Variants in RASGRP2 observed in about 807,000 individuals in gnomAD.
RASGRP2 encodes RAS guanyl releasing protein 2.
A neutral mutation model predicts 71.0 loss-of-function variants in RASGRP2; 44 were observed. The observed-to-expected ratio is 0.62, with a 90% CI of 0.49 to 0.80. The LOEUF (loss-of-function observed/expected upper bound fraction) is 0.80, where lower values mean the gene tolerates loss of function less well. Ranked by LOEUF, RASGRP2 falls within the 30% of genes least tolerant of loss-of-function variation. RASGRP2 has a pLI of 0.00. For missense variants in RASGRP2, 663 were observed against 813.4 expected (o/e 0.82, Z 2.25); for synonymous variants, 350 against 330.7 (o/e 1.06, Z -0.63).
At position 64,741,420 on chromosome 11, in the gene RASGRP2, C is replaced by T. The variant is rs1334805911; in HGVS notation, c.239+19G>A. The T allele has an allele frequency of 7.2e-6, 11 of 1,531,778 alleles. No individual in the cohort carries two copies. The highest frequency in any genetic ancestry group is 9.8e-6 in the Non-Finnish European group (11 of 1,125,462). The allele number at this position is 1,531,778 out of a possible 1,614,324, so 94.9% of individuals were successfully genotyped here. On this transcript the variant is annotated intron_variant, in intron 4 of 16. Coordinates refer to ENST00000394432, the MANE Select transcript of RASGRP2 (RefSeq NM_001098671.2). ...AAGGGAGAAAGGGGAGGGGCTAGAG[C>T]CCCAGGGGAAAGACTCACCTGACCA...
In RASGRP2 at chr11:64,742,951, G is replaced by C; in HGVS notation, c.-71-14C>G. 2.6e-6 allele frequency: 4 copies of C among 1,527,564 alleles called. No individual in the cohort carries two copies. The highest frequency in any genetic ancestry group is 3.5e-6 in the Non-Finnish European group (4 of 1,142,226). 94.6% of individuals were successfully genotyped at this position (1,527,564 alleles called of 1,614,324 possible). On this transcript the variant is annotated splice_polypyrimidine_tract_variant and intron_variant, in intron 1 of 16. Coordinates refer to ENST00000394432, the MANE Select transcript of RASGRP2 (RefSeq NM_001098671.2). The surrounding 1 kb of genome is among the most constrained non-coding windows in gnomAD (Gnocchi z 4.7). Reference sequence around the variant, plus strand: ...CGGACCGAACCCCTGTCCCGGGAGAGGCAGAGCGGGAGTCTGCGGAGTCGC... The same window carrying C: ...CGGACCGAACCCCTGTCCCGGGAGACGCAGAGCGGGAGTCTGCGGAGTCGC...
At chr11:64,732,454 T>G (rs1173123766) in intron 12 of RASGRP2, among the ~76,000 whole-genome samples, 2 of 151,834 alleles carry the variant, frequency 1.3e-5, no homozygotes, top group Non-Finnish European at 1.5e-5. Context: ...AGGTCAGAAG[T>G]TCAATACCAG....
intron 8 of RASGRP2, among the ~76,000 whole-genome samples, chr11:64,738,215 T>C (rs1280793304): frequency 1.3e-5 from 2 of 151,860 alleles, no homozygotes; most frequent in Non-Finnish European, 2.9e-5. Context: ...TCATAGAAAG[T>C]TCAAAACAGA....
intron 13 of RASGRP2, 91 bp downstream of exon 13, chr11:64,729,962 A>G: frequency 6.7e-7 from 1 of 1,502,626 alleles, no homozygotes; most frequent in Non-Finnish European, 9.0e-7. Flanking sequence ...TGGCTTGAGA[A>G]GGGCTCTGGC....
chr11:64,729,018 T>C lies in RASGRP2; in HGVS notation c.1616A>G (p.Gln539Arg), dbSNP rs755945140. ...CRACGVNCHK[Q>R]CKDRLSVECR... ...CTCAACTGACAGGCGATCCTTGCAC[T>C]GCTTGTGGCAGTTCACTCCACAGGC... Residue 539 changes from glutamine to arginine, a missense_variant, in exon 15 of 17, where the codon CAG becomes CGG. Physicochemically the swap from Gln to Arg is conservative, Grantham distance 43 (BLOSUM62 1). Coordinates refer to ENST00000394432, the MANE Select transcript of RASGRP2 (RefSeq NM_001098671.2). 6 of 1,602,688 alleles carry C rather than the reference T, an allele frequency of 3.7e-6. No homozygotes were observed. The highest frequency in any genetic ancestry group is 5.1e-6 in the Non-Finnish European group (6 of 1,178,290).
chr11:64,743,221 C>A lies in RASGRP2; in HGVS notation c.-71-284G>T, dbSNP rs1228334193. ...GATCCCAGGACTGGCTGGCGCCCAG[C>A]CCCCCGCAGGGCGCCTTCTCCTCGC... On this transcript the variant is annotated intron_variant, in intron 1 of 16. Coordinates refer to ENST00000394432, the MANE Select transcript of RASGRP2 (RefSeq NM_001098671.2). This position sits in a 1 kb window ranked among gnomAD's most constrained non-coding sequence, Gnocchi z 4.9. 3 of 520,316 alleles carry A rather than the reference C, an allele frequency of 5.8e-6. No homozygotes were observed. In the Admixed American group the frequency reaches 6.8e-5, roughly 12 times the overall value. The allele number at this position is 520,316 out of a possible 1,614,324, so 32.2% of individuals were successfully genotyped here. A position where few individuals can be genotyped will look rare whatever the true frequency, so the allele number is the denominator to read the frequency against.
In RASGRP2 at chr11:64,741,055, C is replaced by A. The variant is rs373582516; in HGVS notation, c.264G>T (p.Ala88=). The A allele has an allele frequency of 4.3e-6, 7 of 1,613,384 alleles. No individual in the cohort carries two copies. In the East Asian group the frequency reaches 1.6e-4, roughly 36 times the overall value. ...LVRYWISAFP[A]EFDLNPELAE... is the part of the protein sequence containing the mutation. The stretch of plus-strand genomic sequence containing the variant: ...CCAACTCCGGGTTCAAGTCAAACTC[C>A]GCTGGGAAGGCGGAGATCCAGTACC... Residue 88 remains alanine, a synonymous_variant, in exon 5 of 17, where the codon GCG becomes GCT. Transcript: ENST00000394432.
At chr11:64,737,340 G>C (rs1592373430) in intron 8 of RASGRP2, 1 of 428,784 alleles carries the variant, frequency 2.3e-6, no homozygotes, top group East Asian at 4.8e-5. Flanking sequence ...CAATGACCTG[G>C]AAGAACATAC....
chr11:64,739,305 A>T lies in RASGRP2; in HGVS notation c.813+55T>A. 7.4e-7 allele frequency: 1 copy of T among 1,356,592 alleles called. No homozygotes were observed. The allele number at this position is 1,356,592 out of a possible 1,614,324, so 84.0% of individuals were successfully genotyped here. A position where few individuals can be genotyped will look rare whatever the true frequency, so the allele number is the denominator to read the frequency against. On this transcript the variant is annotated intron_variant, in intron 8 of 16. Transcript: ENST00000394432. The surrounding 1 kb of genome is among the most constrained non-coding windows in gnomAD (Gnocchi z 4.2). ...GTGCCCAGCCCCCAGTGCTGCTGGG[A>T]GGACCCAGTGAAGACAGACCTGGGA... is the stretch of plus-strand genomic sequence containing the variant.
Position 64,736,826 on chromosome 11 carries a change from AG to A in RASGRP2, c.1021del (p.Leu341TrpfsTer7). ...GCTGGTCACCATGGCCAGCTCCTCC[AG>A]GATGCTAAAGAGCTGCTTCATCTTG... Reference protein sequence around the residue: ...GAKMKQLFSILEELAMVTSLR... With the variant: ...GAKMKQLFSIXEELAMVTSLR... On this transcript the variant is annotated frameshift_variant, in exon 9 of 17. Coordinates refer to ENST00000394432, the MANE Select transcript of RASGRP2 (RefSeq NM_001098671.2). LOFTEE classifies it high-confidence loss of function. 4 of 1,612,586 alleles carry A rather than the reference AG, an allele frequency of 2.5e-6. No homozygotes were observed. The highest frequency in any genetic ancestry group is 3.4e-6 in the Non-Finnish European group (4 of 1,179,848).
At chr11:64,730,982 C>T (rs1291405833) in intron 12 of RASGRP2, among the ~76,000 whole-genome samples, 1 of 152,214 alleles carries the variant, frequency 6.6e-6, no homozygotes, top group Non-Finnish European at 1.5e-5. Flanking sequence ...TTGAGACTCC[C>T]ACCTGCTTAT....
In RASGRP2 at chr11:64,739,752, C is replaced by G. The variant is rs1049036601; in HGVS notation, c.580G>C (p.Glu194Gln). 4 of 1,613,908 alleles carry G rather than the reference C, an allele frequency of 2.5e-6. No homozygotes were observed. In the Admixed American group the frequency reaches 6.7e-5, roughly 27 times the overall value. ...CTGTTGAAGAGGGAGATGAACCGCTCCAGGACGGGGTTGTCCACAGTGCAG... is the reference window on the plus strand; with the variant it reads ...CTGTTGAAGAGGGAGATGAACCGCTGCAGGACGGGGTTGTCCACAGTGCAG... Reference protein sequence around the residue: ...HGCTVDNPVLERFISLFNSVS... With the variant: ...HGCTVDNPVLQRFISLFNSVS... The change falls in exon 7 of 17, where the codon GAG (glutamate) becomes CAG (glutamine). Residue 194 changes from glutamate to glutamine, a missense_variant. Transcript: ENST00000394432. This position sits in a 1 kb window ranked among gnomAD's most constrained non-coding sequence, Gnocchi z 4.2.
At chr11:64,741,924 C>T in intron 3 of RASGRP2, 86 bp downstream of exon 3, 1 of 1,153,798 alleles carries the variant, frequency 8.7e-7, no homozygotes, top group Non-Finnish European at 1.3e-6. Context: ...TACTTAGGAG[C>T]GAGGCTCATT....
chr11:64,737,047 G>A lies in RASGRP2; in HGVS notation c.814-13C>T, dbSNP rs771685335. ...GACCCTCCCAGAGCTGGGGACAAAGGACAGAGGAGTCATACCCCCACAACT... is the reference window on the plus strand; with the variant it reads ...GACCCTCCCAGAGCTGGGGACAAAGAACAGAGGAGTCATACCCCCACAACT... On this transcript the variant is annotated splice_polypyrimidine_tract_variant and intron_variant, in intron 8 of 16. Coordinates refer to ENST00000394432, the MANE Select transcript of RASGRP2 (RefSeq NM_001098671.2). 1.9e-6 allele frequency: 3 copies of A among 1,613,346 alleles called. No individual in the cohort carries two copies. Among genetic ancestry groups the A allele is most frequent in the African/African-American group, 2.7e-5 (2 of 74,900 alleles).
Position 64,742,382 on chromosome 11 carries a change from G to T in RASGRP2, c.74-270C>A. The T allele has an allele frequency of 1.7e-6, 1 of 584,626 alleles. No homozygotes were observed. 36.2% of individuals were successfully genotyped at this position (584,626 alleles called of 1,614,324 possible). A position where few individuals can be genotyped will look rare whatever the true frequency, so the allele number is the denominator to read the frequency against. ...ACCAGCTGGGGCGGAAGGAGCCTGG[G>T]TTCCCCGGGGTCAAGAATCCAGAGG... On this transcript the variant is annotated intron_variant, in intron 2 of 16. Transcript: ENST00000394432. This position sits in a 1 kb window ranked among gnomAD's most constrained non-coding sequence, Gnocchi z 4.7.
At chr11:64,733,200 A>G (rs2057818018) in intron 12 of RASGRP2, among the ~76,000 whole-genome samples, 1 of 152,164 alleles carries the variant, frequency 6.6e-6, no homozygotes, top group Admixed American at 6.6e-5. Flanking sequence ...ATGCTGCCTA[A>G]AGATATATCA....
chr11:64,736,081 G>A (rs913499444), intron 9 of RASGRP2, 101 bp from the exon 10 acceptor site: 51 of 913,386 alleles, frequency 5.6e-5, no homozygotes, highest in South Asian at 3.0e-4. Flanking sequence ...CTCAGAGCTC[G>A]GGTCAGAAGC....
chr11:64,740,756 T>G, intron 5 of RASGRP2, 192 bp downstream of exon 5: 1 of 739,032 alleles, frequency 1.4e-6, no homozygotes, highest in Admixed American at 2.0e-5. Context: ...GGATGGGTGG[T>G]GGCAGTGGAA....
chr11:64,742,020 G>C lies in RASGRP2; in HGVS notation c.166C>G (p.Leu56Val), dbSNP rs1340873848. 6.2e-7 allele frequency: 1 copy of C among 1,610,056 alleles called. No homozygotes were observed. The highest frequency in any genetic ancestry group is 1.7e-5 in the Admixed American group (1 of 59,494). ...GCCGGCGAAGGATATATGTGGAGCA[G>C]CTTGGCCGCCAGCTGAGAGGAGGGG... ...YIPSSQLAAK[L>V]LHIYQQSRKD... Residue 56 changes from leucine (L) to valine (V), a missense_variant, in exon 3 of 17, where the codon CTG becomes GTG. Coordinates refer to ENST00000394432, the MANE Select transcript of RASGRP2 (RefSeq NM_001098671.2). The surrounding 1 kb of genome is among the most constrained non-coding windows in gnomAD (Gnocchi z 4.7).
Sources: allele counts gnomAD v4.1 joint callset (sites outside exome capture counted in the v4.1 genomes callset), GRCh38; gene constraint gnomAD v4.1.1; non-coding constraint Gnocchi (gnomAD v3.1); transcripts MANE v1.5; gene names NCBI Gene and HGNC (gene_info 2026-07-23, HGNC 2026-07-21).